DGKG: variants seen among roughly 807,000 people sequenced by gnomAD.
DGKG encodes the protein DAG kinase gamma.
Under a neutral mutation model 105.3 loss-of-function variants are expected in DGKG, and 78 were observed. The ratio of observed to expected loss-of-function variants is 0.74; its 90% CI spans 0.62 to 0.89. DGKG has a LOEUF of 0.89. DGKG is among the 40% of genes least tolerant of loss of function. DGKG has a pLI of 0.00. For missense variants in DGKG, 958 were observed against 1,020.1 expected (o/e 0.94, Z 0.83); for synonymous variants, 346 against 367.1 (o/e 0.94, Z 0.66).
At chr3:186,208,727 C>A (rs1369774817) in intron 21 of DGKG, among the ~76,000 whole-genome samples, 3 of 152,212 alleles carry the variant, frequency 2.0e-5, no homozygotes, top group Admixed American at 6.5e-5. Flanking sequence ...GTCTTCTGTT[C>A]TTTGCAAAGC....
At chr3:186,174,290 C>A (rs762643352) in intron 22 of DGKG, among the ~76,000 whole-genome samples, 2 of 152,092 alleles carry the variant, frequency 1.3e-5, no homozygotes, top group Non-Finnish European at 2.9e-5. Context: ...GCTCTTACTG[C>A]GATTTTATGT....
chr3:186,334,030 T>A (rs960933990), intron 1 of DGKG, among the ~76,000 whole-genome samples: 1 of 152,114 alleles, frequency 6.6e-6, no homozygotes, highest in African/African-American at 2.4e-5. Flanking sequence ...GTGTTCTCCC[T>A]CCCCTCTCTC....
At chr3:186,297,296 G>A (rs1723628325) in intron 5 of DGKG, 125 bp downstream of exon 5, 2 of 726,874 alleles carry the variant, frequency 2.8e-6, no homozygotes, top group South Asian at 1.7e-5. Flanking sequence ...GGCCACAGGA[G>A]GACCAGATCT....
chr3:186,309,597 G>C (rs1320015330), intron 2 of DGKG, among the ~76,000 whole-genome samples: 1 of 152,066 alleles, frequency 6.6e-6, no homozygotes, highest in African/African-American at 2.4e-5. Flanking sequence ...TTAATGGGAG[G>C]TTGTTAGCTC....
chr3:186,257,544 T>A (rs953546943), intron 17 of DGKG, among the ~76,000 whole-genome samples: 1 of 152,012 alleles, frequency 6.6e-6, no homozygotes, highest in Non-Finnish European at 1.5e-5. Flanking sequence ...AGAATTCCAC[T>A]CCTGTCCTCC....
At position 186,160,815 on chromosome 3, in the gene DGKG, T is replaced by G. The variant is rs925157405; in HGVS notation, c.2277+788A>C. ...TTCACCACGAGATTCTAGCTGCATTTCTAACTGAGGACAAACTAAGAAGGA... is the reference window on the plus strand; with the variant it reads ...TTCACCACGAGATTCTAGCTGCATTGCTAACTGAGGACAAACTAAGAAGGA... On this transcript the variant is annotated intron_variant, in intron 24 of 24. Transcript: ENST00000265022. The G allele has an allele frequency of 8.1e-6, 8 of 985,362 alleles. No individual in the cohort carries two copies. In the African/African-American group the frequency reaches 1.4e-4, roughly 17 times the overall value. 61.0% of individuals were successfully genotyped at this position (985,362 alleles called of 1,614,324 possible).
At chr3:186,166,234 C>A (rs1029673847) in intron 22 of DGKG, among the ~76,000 whole-genome samples, 1 of 149,170 alleles carries the variant, frequency 6.7e-6, no homozygotes, top group African/African-American at 2.5e-5. Flanking sequence ...AAATTACTGA[C>A]GATCACTAAT....
chr3:186,272,424 G>A, intron 10 of DGKG, 81 bp from the exon 11 acceptor site: 1 of 996,690 alleles, frequency 1.0e-6, no homozygotes, highest in Non-Finnish European at 1.6e-6. Flanking sequence ...CCTAGCCAAG[G>A]TCTGTACCTC....
At chr3:186,185,845 C>G (rs1012691733) in intron 22 of DGKG, among the ~76,000 whole-genome samples, 7 of 152,038 alleles carry the variant, frequency 4.6e-5, no homozygotes, top group Non-Finnish European at 1.0e-4. Flanking sequence ...ACCTGTAATC[C>G]CAGCACTTTG....
At chr3:186,166,248 C>T (rs201492622) in intron 22 of DGKG, among the ~76,000 whole-genome samples, 2 of 10,658 alleles carry the variant, frequency 1.9e-4, no homozygotes, top group African/African-American at 2.7e-4. Context: ...CACTAATGGA[C>T]ATCACTAATG....
intron 3 of DGKG, among the ~76,000 whole-genome samples, chr3:186,305,489 T>C (rs1724191381): frequency 6.6e-6 from 1 of 152,088 alleles, no homozygotes; most frequent in East Asian, 1.9e-4. Context: ...AGGTGCAGCT[T>C]GTAATGACCT....
At chr3:186,338,035 T>C (rs1201040734) in intron 1 of DGKG, among the ~76,000 whole-genome samples, 2 of 151,624 alleles carry the variant, frequency 1.3e-5, no homozygotes, top group Admixed American at 6.6e-5. Context: ...CTGGGTGTGA[T>C]GGTGTGTACC....
At chr3:186,277,667 C>T (rs771508018) in intron 9 of DGKG, among the ~76,000 whole-genome samples, 4 of 152,272 alleles carry the variant, frequency 2.6e-5, no homozygotes, top group South Asian at 4.1e-4. Context: ...GTGCATGGAC[C>T]GTGACTTGGG....
chr3:186,264,517 G>T (rs1034229017), intron 14 of DGKG, among the ~76,000 whole-genome samples: 2 of 152,216 alleles, frequency 1.3e-5, no homozygotes, highest in African/African-American at 4.8e-5. Context: ...GCCCGCCTCA[G>T]CATCCCAAAC....
intron 1 of DGKG, among the ~76,000 whole-genome samples, chr3:186,329,615 G>C (rs944703679): frequency 1.3e-5 from 2 of 152,198 alleles, no homozygotes; most frequent in Non-Finnish European, 2.9e-5. Context: ...CATAAGGGAA[G>C]AAAGACTAAA....
At chr3:186,299,841 T>TTTTC (rs1723830268) in intron 3 of DGKG, among the ~76,000 whole-genome samples, 1 of 74,614 alleles carries the variant, frequency 1.3e-5, no homozygotes, top group Non-Finnish European at 2.5e-5. Flanking sequence ...TTCTTTCTTT[T>TTTTC]TTTTTTTTTT....
intron 21 of DGKG, among the ~76,000 whole-genome samples, chr3:186,207,012 G>A (rs1285720009): frequency 2.0e-5 from 3 of 151,960 alleles, no homozygotes; most frequent in Admixed American, 6.6e-5. Context: ...GCCTCCCAGA[G>A]TGCTGGGATT....
chr3:186,320,170 T>G (rs1450752397), intron 2 of DGKG, among the ~76,000 whole-genome samples: 3 of 152,242 alleles, frequency 2.0e-5, no homozygotes, highest in African/African-American at 7.2e-5. Flanking sequence ...TTTTTCTATG[T>G]ATATTGCAAA....
At chr3:186,317,848 G>T (rs972814139) in intron 2 of DGKG, among the ~76,000 whole-genome samples, 2 of 152,130 alleles carry the variant, frequency 1.3e-5, no homozygotes, top group African/African-American at 4.8e-5. Context: ...TTTATTGCTG[G>T]ATCCCTGGAG....
Sources: gnomAD v4.1 joint callset for allele counts (sites outside exome capture counted in the v4.1 genomes callset) on GRCh38, gnomAD v4.1.1 for gene constraint, MANE v1.5 for transcripts, NCBI Gene and HGNC (gene_info 2026-07-23, HGNC 2026-07-21) for gene names.